The following ATXN2 variants were observed in gnomAD, a reference collection of about 807,000 sequenced individuals.
The protein encoded by ATXN2 is ataxin 2, also known as ataxin-2.
In ATXN2, 37 loss-of-function variants were observed where a neutral mutation model predicts 138.6. The ratio of observed to expected loss-of-function variants is 0.27; its 90% confidence interval spans 0.21 to 0.35. The LOEUF is 0.35. Ranked by LOEUF, ATXN2 falls within the 10% of genes least tolerant of loss-of-function variation. The pLI, the probability that ATXN2 is intolerant of heterozygous loss-of-function variation, is 1.00. For synonymous variants in ATXN2, 549 were observed against 543.7 expected, an observed-to-expected ratio of 1.01 and a Z score of -0.13; for missense variants, 1,216 against 1,480.3, an observed-to-expected ratio of 0.82 and a Z score of 2.93.
chr12:111,588,851 C>T (rs188388297), intron 1 of ATXN2, among the ~76,000 whole-genome samples: 4 of 150,794 alleles, frequency 2.7e-5, no homozygotes, highest in South Asian at 2.1e-4. Flanking sequence ...AAAAATTAGC[C>T]GGGCATGGTG....
At chr12:111,509,781 A>G (rs776946478) in intron 13 of ATXN2, 110 bp downstream of exon 13, 1 of 982,150 alleles carries the variant, frequency 1.0e-6, no homozygotes, top group Non-Finnish European at 1.5e-6. Flanking sequence ...ACATTTATCT[A>G]TCACAATAGT....
chr12:111,579,216 AATCAT>A (rs1382416367), intron 1 of ATXN2, among the ~76,000 whole-genome samples: 11 of 152,216 alleles, frequency 7.2e-5, no homozygotes, highest in African/African-American at 2.4e-4. Context: ...AGAGAAATAA[AATCAT>A]ATGTTCACAC....
intron 5 of ATXN2, among the ~76,000 whole-genome samples, chr12:111,548,511 C>T (rs1881954113): frequency 6.6e-6 from 1 of 152,138 alleles, no homozygotes; most frequent in African/African-American, 2.4e-5. Flanking sequence ...ATTTGACAGA[C>T]TATTACAGAA....
At chr12:111,547,569 T>C (rs1038701562) in intron 5 of ATXN2, among the ~76,000 whole-genome samples, 1 of 147,494 alleles carries the variant, frequency 6.8e-6, no homozygotes, top group Admixed American at 6.8e-5. Flanking sequence ...CTACTAAAAA[T>C]ACAAAGTTAG....
chr12:111,576,135 CAT>C (rs1218874131), intron 1 of ATXN2, among the ~76,000 whole-genome samples: 9 of 150,414 alleles, frequency 6.0e-5, no homozygotes, highest in Non-Finnish European at 1.0e-4. Context: ...CATAACATAA[CAT>C]CACACCAAAC....
chr12:111,588,188 A>AAAATAAAC (rs1884440011), intron 1 of ATXN2, among the ~76,000 whole-genome samples: 1 of 148,894 alleles, frequency 6.7e-6, no homozygotes, highest in African/African-American at 2.5e-5. Context: ...TCCTATCACA[A>AAAATAAAC]AAATAAATAA....
At chr12:111,513,069 A>C in intron 11 of ATXN2, 1 of 344,256 alleles carries the variant, frequency 2.9e-6, no homozygotes, top group Non-Finnish European at 5.2e-6. Flanking sequence ...GTATTTATGA[A>C]CCTTATAGGA....
chr12:111,522,261 AAGACATCC>A (rs1405405823), intron 6 of ATXN2, among the ~76,000 whole-genome samples: 3 of 151,906 alleles, frequency 2.0e-5, no homozygotes, highest in African/African-American at 7.2e-5. Flanking sequence ...ACAATACGGA[AAGACATCC>A]AGTAAAAAGT....
intron 1 of ATXN2, among the ~76,000 whole-genome samples, chr12:111,576,362 G>C (rs991504396): frequency 2.6e-5 from 4 of 152,058 alleles, no homozygotes; most frequent in Admixed American, 2.0e-4. Flanking sequence ...CTGAACACAG[G>C]AGGCGGAGGT....
intron 1 of ATXN2, among the ~76,000 whole-genome samples, chr12:111,584,454 A>T (rs1473195529): frequency 6.7e-6 from 1 of 150,122 alleles, no homozygotes; most frequent in Non-Finnish European, 1.5e-5. Context: ...GGACTAGTCC[A>T]TAGGCAATGT....
chr12:111,476,416 G>A (rs1876816946), intron 18 of ATXN2, among the ~76,000 whole-genome samples: 2 of 151,436 alleles, frequency 1.3e-5, no homozygotes, highest in Admixed American at 6.6e-5. Context: ...TGGGAGCATG[G>A]CAAAATCTCA....
intron 1 of ATXN2, among the ~76,000 whole-genome samples, chr12:111,565,456 A>G (rs1882944999): frequency 6.6e-6 from 1 of 152,214 alleles, no homozygotes; most frequent in Admixed American, 6.5e-5. Flanking sequence ...ATTGTAAATA[A>G]TAAAGAAAAG....
At chr12:111,581,947 T>TCA (rs1884029793) in intron 1 of ATXN2, among the ~76,000 whole-genome samples, 1 of 136,996 alleles carries the variant, frequency 7.3e-6, no homozygotes, top group South Asian at 2.3e-4. Flanking sequence ...GTTTCTGGTT[T>TCA]AAAAAAAAAA....
intron 11 of ATXN2, chr12:111,510,825 C>A: frequency 3.4e-6 from 1 of 295,846 alleles, no homozygotes; most frequent in East Asian, 6.3e-5. Context: ...CTAAATGTAT[C>A]AAGTGATTCT....
chr12:111,535,806 C>T (rs998468199), intron 5 of ATXN2, among the ~76,000 whole-genome samples: 1 of 151,578 alleles, frequency 6.6e-6, no homozygotes, highest in Non-Finnish European at 1.5e-5. Context: ...CGAGACCATC[C>T]CGGCTAAAAC....
intron 1 of ATXN2, among the ~76,000 whole-genome samples, chr12:111,563,431 AATT>A (rs1882810999): frequency 6.6e-6 from 1 of 152,140 alleles, no homozygotes; most frequent in Admixed American, 6.6e-5. Flanking sequence ...AGTTTGACAC[AATT>A]ATTAATTTCC....
intron 18 of ATXN2, among the ~76,000 whole-genome samples, chr12:111,472,109 A>T (rs1372454271): frequency 1.3e-5 from 2 of 152,140 alleles, no homozygotes; most frequent in Non-Finnish European, 2.9e-5. Context: ...CACAAAAAAT[A>T]CAAAAATATT....
intron 1 of ATXN2, among the ~76,000 whole-genome samples, chr12:111,575,000 C>T (rs1883551675): frequency 6.6e-6 from 1 of 152,136 alleles, no homozygotes; most frequent in Non-Finnish European, 1.5e-5. Flanking sequence ...TCTAACAGGG[C>T]TATGTGGTAA....
chr12:111,490,069 G>A (rs1260132832), intron 14 of ATXN2, among the ~76,000 whole-genome samples: 1 of 151,674 alleles, frequency 6.6e-6, no homozygotes, highest in Non-Finnish European at 1.5e-5. Flanking sequence ...TTAGCCAGGC[G>A]TGATGGCACA....
Sources: gnomAD v4.1 joint callset for allele counts (sites outside exome capture counted in the v4.1 genomes callset) on GRCh38, gnomAD v4.1.1 for gene constraint, MANE v1.5 for transcripts, NCBI Gene and HGNC (gene_info 2026-07-23, HGNC 2026-07-21) for gene names.